CLASP1: variants seen among roughly 807,000 people sequenced by gnomAD.
The protein encoded by CLASP1 is cytoplasmic linker associated protein 1.
Under a neutral mutation model 192.3 loss-of-function variants are expected in CLASP1, and 38 were observed. The observed-to-expected ratio is 0.20, with a 90% CI of 0.15 to 0.26. CLASP1 has a LOEUF of 0.26. CLASP1 is among the 10% of genes least tolerant of loss of function. The pLI, the probability that CLASP1 is intolerant of heterozygous loss-of-function variation, is 1.00. For synonymous variants in CLASP1, 691 were observed against 712.8 expected, an observed-to-expected ratio of 0.97 and a Z score of 0.49; for missense variants, 1,433 against 1,932.5, an observed-to-expected ratio of 0.74 and a Z score of 4.85.
At position 121,530,226 on chromosome 2, in the gene CLASP1, TCCA is replaced by T. The variant is rs1321207264; in HGVS notation, c.274+18_274+20del. 4 of 1,543,370 alleles carry T rather than the reference TCCA, an allele frequency of 2.6e-6. No homozygotes were observed. The Admixed American group carries it at 5.9e-5, about 23-fold the overall frequency. On this transcript the variant is annotated intron_variant, in intron 3 of 39. Coordinates refer to ENST00000263710, the Ensembl canonical transcript of CLASP1. ...GGGGGTCTGAAGGGGCCGGGTCCGC[TCCA>T]CAAGTGCCGCAGCTCACCTGTGCCG...
At chr2:121,529,414 A>T (rs192389096) in intron 3 of CLASP1, among the ~76,000 whole-genome samples, 15 of 152,258 alleles carry the variant, frequency 9.9e-5, no homozygotes, top group Admixed American at 5.9e-4. Context: ...CTATTAAAAT[A>T]TCAAATGTCT....
chr2:121,601,475 T>A (rs1034799806), intron 2 of CLASP1, among the ~76,000 whole-genome samples: 4 of 152,130 alleles, frequency 2.6e-5, no homozygotes, highest in South Asian at 2.1e-4. Context: ...TTTCACCATG[T>A]TGGCCAGGCT....
chr2:121,608,423 T>C (rs956330010), intron 1 of CLASP1, among the ~76,000 whole-genome samples: 4 of 152,172 alleles, frequency 2.6e-5, no homozygotes, highest in Admixed American at 2.6e-4. Flanking sequence ...AGCAAAGACT[T>C]GCTATACAAG....
chr2:121,557,659 C>G (rs2058695241), intron 2 of CLASP1, among the ~76,000 whole-genome samples: 1 of 151,734 alleles, frequency 6.6e-6, no homozygotes, highest in African/African-American at 2.4e-5. Flanking sequence ...GCTCTGCTAA[C>G]TTTTTAGTCT....
intron 2 of CLASP1, among the ~76,000 whole-genome samples, chr2:121,548,830 G>A (rs916400535): frequency 1.2e-4 from 18 of 151,814 alleles, no homozygotes; most frequent in Admixed American, 1.2e-3. Context: ...AGCTCTTTAA[G>A]CAAAGGAGAA....
intron 2 of CLASP1, among the ~76,000 whole-genome samples, chr2:121,555,198 T>G (rs2058431106): frequency 6.6e-6 from 1 of 152,228 alleles, no homozygotes. Context: ...TTCCTGGATG[T>G]GCTGTGCTCT....
chr2:121,483,462 G>A (rs1045924246), intron 8 of CLASP1, among the ~76,000 whole-genome samples: 3 of 151,890 alleles, frequency 2.0e-5, no homozygotes, highest in African/African-American at 4.8e-5. Context: ...GAATATGTGT[G>A]TGTGTGTGTA....
At chr2:121,473,826 T>C (rs2091183895) in intron 8 of CLASP1, among the ~76,000 whole-genome samples, 1 of 152,204 alleles carries the variant, frequency 6.6e-6, no homozygotes, top group South Asian at 2.1e-4. Flanking sequence ...GGTATTCACC[T>C]AGAAGTACCC....
chr2:121,559,535 G>A (rs1350608883), intron 2 of CLASP1, among the ~76,000 whole-genome samples: 1 of 152,144 alleles, frequency 6.6e-6, no homozygotes, highest in East Asian at 1.9e-4. Flanking sequence ...GCTACAACGT[G>A]GGTAAACCTT....
intron 37 of CLASP1, among the ~76,000 whole-genome samples, chr2:121,354,500 CA>C (rs2065052258): frequency 6.6e-6 from 1 of 152,178 alleles, no homozygotes; most frequent in Admixed American, 6.5e-5. Context: ...GAGTTACACA[CA>C]GCTGAGTGGA....
At chr2:121,456,931 TG>T in intron 14 of CLASP1, among the ~76,000 whole-genome samples, 1 of 152,334 alleles carries the variant, frequency 6.6e-6, no homozygotes, top group East Asian at 1.9e-4. Flanking sequence ...GTGGTATTCA[TG>T]AATTCCCTGA....
intron 19 of CLASP1, among the ~76,000 whole-genome samples, chr2:121,446,743 G>T (rs2084422198): frequency 6.6e-6 from 1 of 152,078 alleles, no homozygotes; most frequent in Non-Finnish European, 1.5e-5. Flanking sequence ...AACTTTTTTG[G>T]GCAATCATCA....
intron 2 of CLASP1, among the ~76,000 whole-genome samples, chr2:121,534,324 A>G (rs1384979517): frequency 6.6e-6 from 1 of 152,198 alleles, no homozygotes; most frequent in Non-Finnish European, 1.5e-5. Flanking sequence ...TGAGTTGGAA[A>G]TAAAACAGCC....
At chr2:121,507,658 A>T (rs760854307) in intron 7 of CLASP1, among the ~76,000 whole-genome samples, 1 of 152,210 alleles carries the variant, frequency 6.6e-6, no homozygotes, top group South Asian at 2.1e-4. Context: ...GATATAAAAC[A>T]ATCTATATAT....
chr2:121,370,582 C>T (rs1343675196), intron 34 of CLASP1, among the ~76,000 whole-genome samples: 2 of 152,202 alleles, frequency 1.3e-5, no homozygotes, highest in Non-Finnish European at 2.9e-5. Flanking sequence ...ACCTCAGACT[C>T]CCAAAGTGCT....
intron 7 of CLASP1, among the ~76,000 whole-genome samples, chr2:121,507,863 G>T (rs1018291724): frequency 1.3e-5 from 2 of 152,120 alleles, no homozygotes; most frequent in African/African-American, 4.8e-5. Flanking sequence ...GTGGAGCAGG[G>T]TGGGAATAGA....
intron 34 of CLASP1, among the ~76,000 whole-genome samples, chr2:121,369,642 G>A (rs2068185371): frequency 6.6e-6 from 1 of 152,216 alleles, no homozygotes; most frequent in South Asian, 2.1e-4. Flanking sequence ...GGAACCCGGT[G>A]TGCACGCTGG....
intron 8 of CLASP1, among the ~76,000 whole-genome samples, chr2:121,473,278 A>C (rs554055793): frequency 2.2e-4 from 33 of 152,346 alleles, no homozygotes; most frequent in African/African-American, 7.7e-4. Context: ...AATCCAATGG[A>C]ACTTACAGAT....
intron 2 of CLASP1, among the ~76,000 whole-genome samples, chr2:121,554,956 C>T (rs561847076): frequency 6.6e-6 from 1 of 152,198 alleles, no homozygotes; most frequent in African/African-American, 2.4e-5. Flanking sequence ...GAATCATGCA[C>T]AGAAGAACTT....
Sources: allele counts gnomAD v4.1 joint callset (sites outside exome capture counted in the v4.1 genomes callset), GRCh38; gene constraint gnomAD v4.1.1; transcripts MANE v1.5; gene names NCBI Gene and HGNC (gene_info 2026-07-23, HGNC 2026-07-21).